CFAP54: variants seen among roughly 807,000 people sequenced by gnomAD.
CFAP54 encodes cilia and flagella associated protein 54, also known as cilia- and flagella-associated protein 54.
CFAP54 carries 290 observed loss-of-function variants against 370.4 expected under a neutral mutation model. That is an observed-to-expected ratio of 0.78 (90% CI 0.71 to 0.86). The LOEUF (loss-of-function observed/expected upper bound fraction) is 0.86. CFAP54 is among the 40% of genes least tolerant of loss of function. The pLI is 0.00. For synonymous variants in CFAP54, 1,206 were observed against 1,236.5 expected (o/e 0.98, Z 0.52); for missense variants, 3,399 against 3,528.7 (o/e 0.96, Z 0.93).
intron 29 of CFAP54, among the ~76,000 whole-genome samples, 187 bp downstream of exon 29, chr12:96,625,994 A>G (rs990352786): frequency 1.3e-5 from 2 of 152,218 alleles, no homozygotes; most frequent in African/African-American, 2.4e-5. Flanking sequence ...CTAAAGAGGT[A>G]CCTGATTTAA....
At chr12:96,853,009 A>G (rs983321257) in intron 66 of CFAP54, among the ~76,000 whole-genome samples, 1 of 152,156 alleles carries the variant, frequency 6.6e-6, no homozygotes, top group Non-Finnish European at 1.5e-5. Flanking sequence ...GGTGGAAAAT[A>G]TAAATTAGAA....
At chr12:96,656,229 A>C (rs1307781270) in intron 36 of CFAP54, among the ~76,000 whole-genome samples, 1 of 152,144 alleles carries the variant, frequency 6.6e-6, no homozygotes, top group Non-Finnish European at 1.5e-5. Context: ...TCCAAATGTC[A>C]GTCTTGTTCA....
intron 25 of CFAP54, among the ~76,000 whole-genome samples, chr12:96,596,175 A>G (rs1956176304): frequency 6.6e-6 from 1 of 152,204 alleles, no homozygotes; most frequent in African/African-American, 2.4e-5. Context: ...TAGCTATATC[A>G]ATGCATACCT....
chr12:96,623,966 A>T, intron 28 of CFAP54, 85 bp downstream of exon 28: 1 of 872,738 alleles, frequency 1.1e-6, no homozygotes, highest in Non-Finnish European at 1.8e-6. Context: ...TTAAGATGAG[A>T]TTAGCATTTG....
chr12:96,659,688 T>G (rs1286776224), intron 38 of CFAP54, among the ~76,000 whole-genome samples: 1 of 152,194 alleles, frequency 6.6e-6, no homozygotes, highest in Non-Finnish European at 1.5e-5. Context: ...AGTACATTTT[T>G]CCATTGACTA....
intron 60 of CFAP54, among the ~76,000 whole-genome samples, chr12:96,771,643 C>T (rs1958463945): frequency 6.6e-6 from 1 of 152,078 alleles, no homozygotes; most frequent in Non-Finnish European, 1.5e-5. Flanking sequence ...AAGAGCGAGA[C>T]TCCGCCTCAA....
chr12:96,710,850 G>A (rs1422402248), intron 48 of CFAP54, among the ~76,000 whole-genome samples: 2 of 151,946 alleles, frequency 1.3e-5, no homozygotes, highest in Non-Finnish European at 2.9e-5. Context: ...TAGTAGAGAC[G>A]GGGTTTTATC....
rs1476247003 is a variant in CFAP54, at chr12:96,504,044, C to A, written c.567+15C>A. ...CTGGACTTACAGTAAGATGAAAGAG[C>A]AGCTGAAATAGCTACAATTTATGAT... On this transcript the variant is annotated intron_variant, in intron 3 of 67. Coordinates refer to ENST00000524981, the MANE Select transcript of CFAP54 (RefSeq NM_001306084.2). 6.7e-7 allele frequency: 1 copy of A among 1,492,692 alleles called. No individual in the cohort carries two copies. Among genetic ancestry groups the A allele is most frequent in the Admixed American group, 2.5e-5 (1 of 39,466 alleles). 92.5% of individuals were successfully genotyped at this position (1,492,692 alleles called of 1,614,324 possible). A position where few individuals can be genotyped will look rare whatever the true frequency, so the allele number is the denominator to read the frequency against.
At chr12:96,860,623 G>T (rs1959855396) in intron 66 of CFAP54, among the ~76,000 whole-genome samples, 196 bp from the exon 67 acceptor site, 1 of 152,182 alleles carries the variant, frequency 6.6e-6, no homozygotes, top group Admixed American at 6.5e-5. Flanking sequence ...AGAAGTGTTT[G>T]CTGTTTAATA....
chr12:96,658,004 A>G lies in CFAP54; in HGVS notation c.5223A>G (p.Lys1741=), dbSNP rs753926584. 2.5e-6 allele frequency: 4 copies of G among 1,613,832 alleles called. No homozygotes were observed. Among genetic ancestry groups the G allele is most frequent in the East Asian group, 4.5e-5 (2 of 44,860 alleles). ...PLDDVNVVDL[K]WIHDFVLKSL... is the part of the protein sequence containing the mutation. ...ATGATGTAAATGTGGTTGATTTGAA[A>G]TGGATCCACGACTTTGTATTAAAAT... The change falls in exon 37 of 68, where the codon AAA becomes AAG. Residue 1741 remains lysine, a synonymous_variant. Transcript: ENST00000524981.
At chr12:96,687,331 C>G (rs899784208) in intron 42 of CFAP54, among the ~76,000 whole-genome samples, 1 of 152,140 alleles carries the variant, frequency 6.6e-6, no homozygotes, top group Non-Finnish European at 1.5e-5. Context: ...CTTTGGGGGA[C>G]CATTATTTAG....
chr12:96,514,676 A>G (rs747515361), intron 5 of CFAP54, among the ~76,000 whole-genome samples: 24 of 152,248 alleles, frequency 1.6e-4, no homozygotes, highest in Non-Finnish European at 3.4e-4. Flanking sequence ...GCTTGTTAAC[A>G]CTGAGAGAAT....
chr12:96,733,979 G>A (rs1957952689), intron 50 of CFAP54, among the ~76,000 whole-genome samples: 1 of 152,184 alleles, frequency 6.6e-6, no homozygotes, highest in African/African-American at 2.4e-5. Context: ...CCTCAGAAAT[G>A]TGTGTAGCTT....
chr12:96,696,389 G>A (rs1957440421), intron 45 of CFAP54, among the ~76,000 whole-genome samples: 1 of 152,104 alleles, frequency 6.6e-6, no homozygotes, highest in Admixed American at 6.6e-5. Flanking sequence ...TCCTTAAGAG[G>A]CAAGAAGCAT....
At chr12:96,793,290 T>C (rs1331982008) in intron 63 of CFAP54, among the ~76,000 whole-genome samples, 1 of 152,204 alleles carries the variant, frequency 6.6e-6, no homozygotes, top group Non-Finnish European at 1.5e-5. Context: ...ATATGATGTT[T>C]GGTTTTCCAT....
At chr12:96,642,100 G>A (rs1489920059) in intron 32 of CFAP54, among the ~76,000 whole-genome samples, 2 of 151,742 alleles carry the variant, frequency 1.3e-5, no homozygotes, top group Non-Finnish European at 1.5e-5. Context: ...AATGGTATTT[G>A]TGGTAGGTTT....
In CFAP54 at chr12:96,607,462, T is replaced by G. The variant is rs1459203263; in HGVS notation, c.3639+8695T>G. Among the ~76,000 whole-genome samples, 3 of 152,254 alleles carry G rather than the reference T, an allele frequency of 2.0e-5. No individual in the cohort carries two copies. In the East Asian group the frequency reaches 5.8e-4, roughly 29 times the overall value. ...ATTTTTTAATCAAAAATCAAATAGA[T>G]GAAAATTATGGTTATGGTATTTCTT... On this transcript the variant is annotated intron_variant, in intron 26 of 67. Transcript: ENST00000524981.
At chr12:96,780,330 C>T (rs1307147643) in intron 60 of CFAP54, among the ~76,000 whole-genome samples, 1 of 151,992 alleles carries the variant, frequency 6.6e-6, no homozygotes, top group African/African-American at 2.4e-5. Flanking sequence ...TACAGTTCAC[C>T]CAGAATCTAT....
intron 66 of CFAP54, among the ~76,000 whole-genome samples, chr12:96,840,622 C>CTTTTTTTTTTT (rs1491169613): frequency 1.5e-5 from 1 of 67,026 alleles, no homozygotes; most frequent in East Asian, 5.3e-4. Flanking sequence ...TTCTCTGTTT[C>CTTTTTTTTTTT]TTTCTTTTTT....
Sources: gnomAD v4.1 joint callset for allele counts (sites outside exome capture counted in the v4.1 genomes callset) on GRCh38, gnomAD v4.1.1 for gene constraint, MANE v1.5 for transcripts, NCBI Gene and HGNC (gene_info 2026-07-23, HGNC 2026-07-21) for gene names.